Variants in PCDH15 observed in about 807,000 individuals in gnomAD.
PCDH15 encodes protocadherin-15.
In PCDH15, 129 loss-of-function variants were observed where a neutral mutation model predicts 178.5. The ratio of observed to expected loss-of-function variants is 0.72; its 90% confidence interval spans 0.63 to 0.84. The LOEUF is 0.84. Ranked by LOEUF, PCDH15 falls within the 40% of genes least tolerant of loss-of-function variation. The pLI is 0.00. For missense variants in PCDH15, 2,230 were observed against 2,099.9 expected (o/e 1.06, Z -1.21); for synonymous variants, 800 against 732.0 (o/e 1.09, Z -1.50).
chr10:54,639,760 ATGT>A (rs1287761554), intron 2 of PCDH15, among the ~76,000 whole-genome samples: 3 of 152,172 alleles, frequency 2.0e-5, no homozygotes, highest in African/African-American at 7.2e-5. Context: ...AACATGATTA[ATGT>A]TGATGATTCT....
intron 1 of PCDH15, among the ~76,000 whole-genome samples, chr10:54,711,678 C>T (rs16906429): frequency 0.045 from 6,791 of 151,720 alleles, 506 homozygotes; most frequent in African/African-American, 0.16. Flanking sequence ...CCAAAAATGT[C>T]GATAAATTCC....
At chr10:55,368,401 A>C (rs1262033779) in intron 2 of PCDH15, among the ~76,000 whole-genome samples, 1 of 152,226 alleles carries the variant, frequency 6.6e-6, no homozygotes, top group Middle Eastern at 3.4e-3. Flanking sequence ...AACCACATAT[A>C]AAGACCCCTG....
chr10:54,544,899 A>C (rs1434596907), intron 2 of PCDH15, among the ~76,000 whole-genome samples: 1 of 152,178 alleles, frequency 6.6e-6, no homozygotes, highest in Non-Finnish European at 1.5e-5. Flanking sequence ...GTTAGACTTT[A>C]TGCCATAAAT....
At chr10:54,297,240 C>A (rs1439044844) in intron 8 of PCDH15, among the ~76,000 whole-genome samples, 1 of 152,138 alleles carries the variant, frequency 6.6e-6, no homozygotes, top group African/African-American at 2.4e-5. Flanking sequence ...CATCAATGGG[C>A]TCACCCTTGA....
intron 3 of PCDH15, among the ~76,000 whole-genome samples, chr10:54,498,037 A>G (rs984486420): frequency 3.9e-5 from 6 of 152,074 alleles, no homozygotes; most frequent in African/African-American, 1.4e-4. Flanking sequence ...AAAGAAAAAA[A>G]ATATTAAAGG....
intron 20 of PCDH15, among the ~76,000 whole-genome samples, chr10:53,997,444 C>A (rs2091908323): frequency 6.6e-6 from 1 of 152,090 alleles, no homozygotes. Flanking sequence ...TAAATTGTAA[C>A]TTCTGAAGGT....
chr10:54,563,257 A>G (rs1346390552), intron 2 of PCDH15, among the ~76,000 whole-genome samples: 1 of 143,700 alleles, frequency 7.0e-6, no homozygotes, highest in Admixed American at 7.3e-5. Context: ...TAATGCCACA[A>G]GCTAAGACTG....
chr10:55,030,846 T>C (rs1348771638), intron 2 of PCDH15, among the ~76,000 whole-genome samples: 1 of 152,166 alleles, frequency 6.6e-6, no homozygotes, highest in Non-Finnish European at 1.5e-5. Flanking sequence ...AAAATAATTA[T>C]ACATATATGT....
At chr10:55,503,666 A>C (rs1840702362) in intron 2 of PCDH15, among the ~76,000 whole-genome samples, 2 of 151,460 alleles carry the variant, frequency 1.3e-5, no homozygotes, top group Admixed American at 1.3e-4. Flanking sequence ...GATAATAAGC[A>C]TATGAAAAGG....
intron 2 of PCDH15, among the ~76,000 whole-genome samples, chr10:55,011,541 T>G (rs1023879526): frequency 1.8e-4 from 28 of 152,130 alleles, no homozygotes; most frequent in Non-Finnish European, 1.5e-5. Context: ...AATTCTAGGT[T>G]GTTTGACTTA....
intron 2 of PCDH15, among the ~76,000 whole-genome samples, chr10:55,446,577 T>C (rs117146107): frequency 0.042 from 6,322 of 152,160 alleles, 186 homozygotes; most frequent in Non-Finnish European, 0.061. Context: ...GTGGATTGCA[T>C]TATTGGTCTC....
intron 2 of PCDH15, among the ~76,000 whole-genome samples, chr10:55,627,319 A>T (rs112794999): frequency 3.4e-4 from 52 of 152,224 alleles, no homozygotes; most frequent in African/African-American, 1.1e-3. Flanking sequence ...AGGAAACACA[A>T]CCTTTAAGAA....
intron 8 of PCDH15, among the ~76,000 whole-genome samples, chr10:54,273,644 TCAAA>T: frequency 6.6e-6 from 1 of 152,128 alleles, no homozygotes; most frequent in Admixed American, 6.6e-5. Flanking sequence ...AAAAAAGTCA[TCAAA>T]CATATATCCT....
chr10:55,519,622 T>C lies in PCDH15; in HGVS notation c.-156+108003A>G, dbSNP rs536018507. Among the ~76,000 whole-genome samples the C allele has an allele frequency of 3.9e-5, 6 of 152,160 alleles. No homozygotes were observed. In the South Asian group the frequency reaches 1.2e-3, roughly 32 times the overall value. On this transcript the variant is annotated intron_variant, in intron 2 of 5. Transcript: ENST00000613346. ...TAATTTCTGTAACTTTTTACAAACA[T>C]ATAATTAACTCAAAGAAAAAATAAA...
chr10:54,359,555 TTAATA>T (rs1231547598), intron 5 of PCDH15, among the ~76,000 whole-genome samples: 1 of 151,988 alleles, frequency 6.6e-6, no homozygotes, highest in African/African-American at 2.4e-5. Context: ...AATATATCAT[TTAATA>T]TAAGAAAAAT....
chr10:54,035,824 G>A (rs1033998007), intron 18 of PCDH15, among the ~76,000 whole-genome samples: 1 of 151,974 alleles, frequency 6.6e-6, no homozygotes, highest in Non-Finnish European at 1.5e-5. Context: ...TCTTGTGCCA[G>A]TTAGCCACAT....
At chr10:55,529,741 G>GTACATATATA (rs1841401671) in intron 2 of PCDH15, among the ~76,000 whole-genome samples, 4 of 62,772 alleles carry the variant, frequency 6.4e-5, no homozygotes, top group African/African-American at 1.7e-4. Flanking sequence ...TTGTCTGTGA[G>GTACATATATA]TATATATATA....
intron 3 of PCDH15, among the ~76,000 whole-genome samples, chr10:54,858,988 C>CTT (rs1324027090): frequency 6.6e-6 from 1 of 151,976 alleles, no homozygotes; most frequent in Admixed American, 6.6e-5. Flanking sequence ...ATACACATAG[C>CTT]TTTATGTATC....
chr10:55,465,069 G>C (rs144788957), intron 2 of PCDH15, among the ~76,000 whole-genome samples: 79 of 152,048 alleles, frequency 5.2e-4, no homozygotes, highest in African/African-American at 1.6e-3. Context: ...ACTCATCTTG[G>C]AAACACAGAT....
Sources: gnomAD v4.1 joint callset for allele counts (sites outside exome capture counted in the v4.1 genomes callset) on GRCh38, gnomAD v4.1.1 for gene constraint, MANE v1.5 for transcripts, NCBI Gene and HGNC (gene_info 2026-07-23, HGNC 2026-07-21) for gene names.